Variants in FGD5 observed in about 807,000 individuals in gnomAD.
The protein encoded by FGD5 is FYVE, RhoGEF and PH domain-containing protein 5.
A neutral mutation model predicts 133.4 loss-of-function variants in FGD5; 28 were observed. That is an observed-to-expected ratio of 0.21 (90% CI 0.16 to 0.29). FGD5 has a LOEUF of 0.29. Among genes scored for constraint, FGD5 ranks in the 10% least tolerant of loss-of-function variants. The pLI is 1.00. For synonymous variants in FGD5, 810 were observed against 776.5 expected (o/e 1.04, Z -0.72); for missense variants, 1,858 against 1,895.2 (o/e 0.98, Z 0.36).
chr3:14,906,078 C>A (rs1299870232), intron 9 of FGD5, among the ~76,000 whole-genome samples: 2 of 152,140 alleles, frequency 1.3e-5, no homozygotes, highest in African/African-American at 4.8e-5. Flanking sequence ...GCTGCTGTGA[C>A]CTGTGGGGTA....
chr3:14,811,875 C>G (rs372626268), intron 1 of FGD5, among the ~76,000 whole-genome samples: 4 of 152,108 alleles, frequency 2.6e-5, no homozygotes, highest in African/African-American at 9.7e-5. Flanking sequence ...TTCTTTTTCT[C>G]ACAGAATTTA....
chr3:14,821,523 G>A lies in FGD5; in HGVS notation c.2452G>A (p.Asp818Asn). The A allele has an allele frequency of 6.2e-7, 1 of 1,613,946 alleles. No individual in the cohort carries two copies. Among genetic ancestry groups the A allele is most frequent in the Non-Finnish European group, 8.5e-7 (1 of 1,179,862 alleles). Reference sequence around the variant, plus strand: ...AGCCCTGTCCACAGCAAACGAAAATGATGGCTACGTGGACATGAGCAGCTT... The same window carrying A: ...AGCCCTGTCCACAGCAAACGAAAATAATGGCTACGTGGACATGAGCAGCTT... The part of the protein sequence containing the change: ...SRALSTANEN[D>N]GYVDMSSFNA... Residue 818 changes from aspartate to asparagine, a missense_variant, in exon 1 of 20, where the codon GAT becomes AAT. Asp to Asn is a conservative substitution (Grantham distance 23, BLOSUM62 1). This residue lies in a region of FGD5 where 1,824 missense variants were observed against 1,848.9 expected (regional missense o/e 0.99). Transcript: ENST00000285046.
intron 1 of FGD5, among the ~76,000 whole-genome samples, chr3:14,863,510 G>A (rs928015328): frequency 2.4e-4 from 36 of 152,190 alleles, no homozygotes; most frequent in African/African-American, 8.2e-4. Flanking sequence ...TTATTTACTG[G>A]CAACGCCTGT....
At chr3:14,870,894 C>T (rs973046625) in intron 2 of FGD5, among the ~76,000 whole-genome samples, 4 of 152,222 alleles carry the variant, frequency 2.6e-5, no homozygotes, top group South Asian at 2.1e-4. Context: ...GAATTCCTGA[C>T]GTGTCATCTT....
At chr3:14,880,886 AGCAG>A in intron 4 of FGD5, 114 bp downstream of exon 4, 2 of 1,355,042 alleles carry the variant, frequency 1.5e-6, no homozygotes, top group Non-Finnish European at 2.1e-6. Context: ...GAGGCCTGGC[AGCAG>A]GCAGGCACTC....
rs1040857858 is a variant in FGD5, at chr3:14,854,387, C to CTTTT, written c.2526-9739_2526-9736dup. On this transcript the variant is annotated intron_variant, in intron 1 of 19. Coordinates refer to ENST00000285046, the MANE Select transcript of FGD5 (RefSeq NM_152536.4). ...TGGTCCTTTATTTTTTGTTTCTTTTCTTTTTATTTATTTATTTATTTATTT... is the reference window on the plus strand; with the variant it reads ...TGGTCCTTTATTTTTTGTTTCTTTTCTTTTTTTTTATTTATTTATTTATTTATTT... 1.8e-3 allele frequency among the ~76,000 whole-genome samples: 237 copies of CTTTT among 134,392 alleles called. 1 individual carries two copies. Among genetic ancestry groups the CTTTT allele is most frequent in the South Asian group, 5.5e-3 (23 of 4,148 alleles). The allele number at this position is 134,392 out of a possible 152,430, so 88.2% of individuals were successfully genotyped here.
At chr3:14,852,040 T>C (rs755361295) in intron 1 of FGD5, among the ~76,000 whole-genome samples, 7 of 152,286 alleles carry the variant, frequency 4.6e-5, no homozygotes, top group Middle Eastern at 3.4e-3. Flanking sequence ...TACAGTCTGG[T>C]AGTTCTCAAA....
At chr3:14,920,987 C>T (rs913309339) in intron 13 of FGD5, among the ~76,000 whole-genome samples, 1 of 152,214 alleles carries the variant, frequency 6.6e-6, no homozygotes, top group African/African-American at 2.4e-5. Context: ...GTGATAAAAT[C>T]AAGGGCAGGA....
intron 1 of FGD5, among the ~76,000 whole-genome samples, chr3:14,862,060 T>TGAAGGTAAGCCTGGGAG (rs1257010866): frequency 6.6e-6 from 1 of 152,122 alleles, no homozygotes; most frequent in Admixed American, 6.5e-5. Context: ...GGGAGGTATT[T>TGAAGGTAAGCCTGGGAG]GAAGGTAAGC....
chr3:14,918,950 C>G, intron 13 of FGD5, 117 bp downstream of exon 13: 1 of 1,089,224 alleles, frequency 9.2e-7, no homozygotes, highest in Non-Finnish European at 1.3e-6. Flanking sequence ...GTCAAAGTAT[C>G]CTTCTGGGTC....
intron 2 of FGD5, among the ~76,000 whole-genome samples, chr3:14,878,659 G>T (rs922107475): frequency 6.6e-6 from 1 of 151,734 alleles, no homozygotes; most frequent in Non-Finnish European, 1.5e-5. Context: ...GAGGCACAGA[G>T]AGCTAAATGA....
At chr3:14,861,643 T>C (rs1689576) in intron 1 of FGD5, among the ~76,000 whole-genome samples, 24,485 of 152,076 alleles carry the variant, frequency 0.16, 2,314 homozygotes, top group East Asian at 0.39. Context: ...CCCTCTCCCC[T>C]GTATCACCCA....
intron 10 of FGD5, among the ~76,000 whole-genome samples, 173 bp downstream of exon 10, chr3:14,907,884 G>A (rs1051750709): frequency 6.6e-6 from 1 of 152,220 alleles, no homozygotes; most frequent in Non-Finnish European, 1.5e-5. Context: ...GCAGTCCTAG[G>A]CTGCCTTCCC....
chr3:14,880,897 A>G, intron 4 of FGD5, 125 bp downstream of exon 4: 1 of 1,238,216 alleles, frequency 8.1e-7, no homozygotes, highest in Non-Finnish European at 1.1e-6. Context: ...GCAGGCAGGC[A>G]CTCACCGACG....
At position 14,819,941 on chromosome 3, in the gene FGD5, G is replaced by T. The variant is rs1233519707; in HGVS notation, c.870G>T (p.Gln290His). ...EEATGVTGGE[Q>H]VDLSEPPDHE... Reference sequence around the variant, plus strand: ...CCACGGGTGTCACAGGTGGGGAACAGGTTGACCTCAGTGAACCACCTGACC... The same window carrying T: ...CCACGGGTGTCACAGGTGGGGAACATGTTGACCTCAGTGAACCACCTGACC... The change falls in exon 1 of 20, where the codon CAG becomes CAT. Residue 290 changes from glutamine to histidine, a missense_variant. Transcript: ENST00000285046. The surrounding 1 kb of genome is among the most constrained non-coding windows in gnomAD (Gnocchi z 4.1). 1 of 1,613,942 alleles carries T rather than the reference G, an allele frequency of 6.2e-7. No individual in the cohort carries two copies. The highest frequency in any genetic ancestry group is 2.2e-5 in the East Asian group (1 of 44,866).
intron 10 of FGD5, 61 bp from the exon 11 acceptor site, chr3:14,910,800 C>T (rs527603548): frequency 6.6e-7 from 1 of 1,509,678 alleles, no homozygotes; most frequent in Admixed American, 1.8e-5. Context: ...CTCCCCTGCA[C>T]CCTTGTCTGG....
chr3:14,820,004 C>A lies in FGD5; in HGVS notation c.933C>A (p.Thr311=). 1 of 1,613,930 alleles carries A rather than the reference C, an allele frequency of 6.2e-7. No individual in the cohort carries two copies. Among genetic ancestry groups the A allele is most frequent in the Non-Finnish European group, 8.5e-7 (1 of 1,179,862 alleles). The change falls in exon 1 of 20, where the codon ACC becomes ACA. Residue 311 remains threonine, a synonymous_variant. Transcript: ENST00000285046. ...KKTNQEVAAA[T]LEDHAQDESA... The stretch of plus-strand genomic sequence containing the variant: ...CCAACCAAGAAGTGGCAGCCGCCAC[C>A]CTGGAGGACCATGCACAGGATGAGT...
In FGD5 at chr3:14,921,960, A is replaced by G; in HGVS notation, c.3612A>G (p.Arg1204=). 6.4e-7 allele frequency: 1 copy of G among 1,572,248 alleles called. No individual in the cohort carries two copies. The highest frequency in any genetic ancestry group is 8.6e-7 in the Non-Finnish European group (1 of 1,158,874). The change falls in exon 14 of 20, where the codon AGA becomes AGG. Residue 1204 remains arginine, a synonymous_variant. Transcript: ENST00000285046. ...ERDEWYGCLS[R]ALPEDYKAQA... ...ACGAGTGGTATGGCTGTCTGAGCAG[A>G]GCCCTCCCTGAGGACTACAAGGCCC... is the stretch of plus-strand genomic sequence containing the variant.
intron 1 of FGD5, among the ~76,000 whole-genome samples, chr3:14,852,122 A>G (rs1235100968): frequency 1.3e-5 from 2 of 152,246 alleles, no homozygotes; most frequent in Non-Finnish European, 2.9e-5. Context: ...AAAGGAAAAT[A>G]TGGCTATACA....
Sources: gnomAD v4.1 joint callset for allele counts (sites outside exome capture counted in the v4.1 genomes callset) on GRCh38, gnomAD v4.1.1 for gene constraint, gnomAD v4.1.1 regional missense constraint, Gnocchi (gnomAD v3.1) non-coding constraint, MANE v1.5 for transcripts, NCBI Gene and HGNC (gene_info 2026-07-23, HGNC 2026-07-21) for gene names.